The following COL4A6 variants were observed in gnomAD, a reference collection of about 807,000 sequenced individuals.
The protein encoded by COL4A6 is collagen alpha-6(IV) chain.
COL4A6 carries 59 observed loss-of-function variants against 126.7 expected under a neutral mutation model. That is an observed-to-expected ratio of 0.47 (90% confidence interval 0.38 to 0.58). The LOEUF (loss-of-function observed/expected upper bound fraction) is 0.58. Among genes scored for constraint, COL4A6 ranks in the 20% least tolerant of loss-of-function variants. COL4A6 has a pLI of 0.00. For synonymous variants in COL4A6, 547 were observed against 496.6 expected (o/e 1.10, Z -1.35); for missense variants, 1,285 against 1,337.3 (o/e 0.96, Z 0.61).
rs149449833 is a variant in COL4A6 at position 108,379,163 on chromosome X, G to A, written c.63+58779C>T. ...GATGTGTTAGGTATTATGTTTGCCCGTTTGATCTCAATGCTCCACCTTTTT... is the reference window on the plus strand; with the variant it reads ...GATGTGTTAGGTATTATGTTTGCCCATTTGATCTCAATGCTCCACCTTTTT... On this transcript the variant is annotated intron_variant, in intron 2 of 44. Transcript: ENST00000334504. Among the ~76,000 whole-genome samples the A allele has an allele frequency of 6.1e-3, 689 of 112,276 alleles. 2 individuals carry two copies. The highest frequency in any genetic ancestry group is 0.036 in the East Asian group (131 of 3,590).
chrX:108,203,882 G>C (rs759490341), intron 12 of COL4A6, among the ~76,000 whole-genome samples: 7 of 112,130 alleles, frequency 6.2e-5, no homozygotes, highest in Non-Finnish European at 9.4e-5. Context: ...CAAGTTTTAA[G>C]AGCAAATAAC....
At chrX:108,354,078 G>C (rs1299302842) in intron 2 of COL4A6, among the ~76,000 whole-genome samples, 1 of 111,709 alleles carries the variant, frequency 9.0e-6, no homozygotes, top group East Asian at 2.8e-4. Context: ...GCTTGAACCC[G>C]TGTGGCAGAG....
At chrX:108,415,932 C>G (rs1368978121) in intron 2 of COL4A6, among the ~76,000 whole-genome samples, 1 of 112,119 alleles carries the variant, frequency 8.9e-6, no homozygotes, top group Non-Finnish European at 1.9e-5. Flanking sequence ...GCTGGTGACG[C>G]TGAATGAAAG....
chrX:108,215,883 C>T (rs2035846125), intron 5 of COL4A6, among the ~76,000 whole-genome samples: 1 of 111,383 alleles, frequency 9.0e-6, no homozygotes, highest in Non-Finnish European at 1.9e-5. Context: ...TCACTCAACT[C>T]TATTCAGTTA....
Position 108,169,636 on chromosome X carries a change from G to A in COL4A6, c.3566-16C>T. 8.3e-7 allele frequency: 1 copy of A among 1,201,956 alleles called. No homozygotes were observed. Among genetic ancestry groups the A allele is most frequent in the Non-Finnish European group, 1.1e-6 (1 of 890,176 alleles). On this transcript the variant is annotated splice_polypyrimidine_tract_variant and intron_variant, in intron 36 of 44. Coordinates refer to ENST00000334504, the MANE Select transcript of COL4A6 (RefSeq NM_033641.4). ...ATACTAGGTCCTAGGAGGAGATGCAGGGGTAGGGGGCAGACCTCAGTGGAG... is the reference window on the plus strand; with the variant it reads ...ATACTAGGTCCTAGGAGGAGATGCAAGGGTAGGGGGCAGACCTCAGTGGAG...
intron 2 of COL4A6, among the ~76,000 whole-genome samples, chrX:108,341,270 T>C (rs1329335986): frequency 9.0e-6 from 1 of 111,662 alleles, no homozygotes; most frequent in Non-Finnish European, 1.9e-5. Flanking sequence ...TAATTTGTGA[T>C]TCAGCTCTAA....
intron 38 of COL4A6, 32 bp downstream of exon 38, chrX:108,165,338 G>T (rs2034094519): frequency 9.0e-7 from 1 of 1,112,295 alleles, no homozygotes; most frequent in Non-Finnish European, 1.2e-6. Flanking sequence ...AAAAGGTGGT[G>T]GCTAGCCCTC....
chrX:108,407,986 C>T (rs1449165644), intron 2 of COL4A6, among the ~76,000 whole-genome samples: 2 of 111,318 alleles, frequency 1.8e-5, no homozygotes, highest in Admixed American at 9.6e-5. Flanking sequence ...ATTGTGATTG[C>T]TATTTTACAA....
intron 40 of COL4A6, among the ~76,000 whole-genome samples, chrX:108,164,395 A>G (rs1213378149): frequency 1.8e-5 from 2 of 111,873 alleles, no homozygotes; most frequent in Non-Finnish European, 1.9e-5. Flanking sequence ...CCATGGTGGC[A>G]AGGCAGCAGT....
chrX:108,394,570 C>T (rs1383314424), intron 2 of COL4A6, among the ~76,000 whole-genome samples: 1 of 111,551 alleles, frequency 9.0e-6, no homozygotes, highest in African/African-American at 3.3e-5. Flanking sequence ...TATTTTTAGC[C>T]TGTTCATCTT....
intron 3 of COL4A6, among the ~76,000 whole-genome samples, chrX:108,261,762 C>T (rs1327370255): frequency 9.0e-6 from 1 of 111,501 alleles, no homozygotes; most frequent in Non-Finnish European, 1.9e-5. Flanking sequence ...AAATACCTAG[C>T]TCCAGAATTA....
chrX:108,303,617 A>G (rs2038553561), intron 3 of COL4A6, among the ~76,000 whole-genome samples: 1 of 111,930 alleles, frequency 8.9e-6, no homozygotes, highest in Admixed American at 9.4e-5. Flanking sequence ...TGCTTCATTT[A>G]AAGAGCGAGT....
intron 3 of COL4A6, chrX:108,268,915 A>T: frequency 4.3e-6 from 1 of 231,090 alleles, no homozygotes; most frequent in Non-Finnish European, 8.1e-6. Flanking sequence ...AAGGGCAATG[A>T]TCATTCTTTC....
intron 2 of COL4A6, among the ~76,000 whole-genome samples, chrX:108,358,174 C>T (rs1163991749): frequency 1.8e-5 from 2 of 111,090 alleles, no homozygotes. Context: ...TCTTCTGTCT[C>T]CCCTATCAGA....
At chrX:108,280,081 G>T (rs954747055) in intron 3 of COL4A6, among the ~76,000 whole-genome samples, 1 of 111,225 alleles carries the variant, frequency 9.0e-6, no homozygotes, top group Non-Finnish European at 1.9e-5. Context: ...ACAATTAAAA[G>T]AACTAGAAAA....
At chrX:108,236,316 C>A (rs1480366322) in intron 3 of COL4A6, among the ~76,000 whole-genome samples, 1 of 111,166 alleles carries the variant, frequency 9.0e-6, no homozygotes, top group East Asian at 2.8e-4. Context: ...GTCTCCGGAA[C>A]CCAAGAGAAG....
chrX:108,221,957 A>G (rs888229323), intron 3 of COL4A6, among the ~76,000 whole-genome samples: 1 of 112,503 alleles, frequency 8.9e-6, no homozygotes, highest in Non-Finnish European at 1.9e-5. Flanking sequence ...ACACATGCAC[A>G]TATACACACA....
intron 3 of COL4A6, among the ~76,000 whole-genome samples, chrX:108,301,029 G>T (rs1038062678): frequency 8.9e-6 from 1 of 112,620 alleles, no homozygotes; most frequent in Non-Finnish European, 1.9e-5. Context: ...GCAAAGCAAT[G>T]CACATTTTTC....
chrX:108,300,495 C>T (rs1417718394), intron 3 of COL4A6, among the ~76,000 whole-genome samples: 1 of 109,497 alleles, frequency 9.1e-6, no homozygotes, highest in South Asian at 4.1e-4. Flanking sequence ...GGACATGCCA[C>T]TTACATCTAA....
Sources: gnomAD v4.1 joint callset for allele counts (sites outside exome capture counted in the v4.1 genomes callset) on GRCh38, gnomAD v4.1.1 for gene constraint, MANE v1.5 for transcripts, NCBI Gene and HGNC (gene_info 2026-07-23, HGNC 2026-07-21) for gene names.